STX12: variants seen among roughly 807,000 people sequenced by gnomAD.
STX12 encodes syntaxin 12.
Under a neutral mutation model 42.2 loss-of-function variants are expected in STX12, and 17 were observed. The ratio of observed to expected loss-of-function variants is 0.40; its 90% CI spans 0.28 to 0.60. STX12 has a LOEUF of 0.60. STX12 is among the 20% of genes least tolerant of loss of function. The pLI is 0.39. For missense variants in STX12, 297 were observed against 330.9 expected (o/e 0.90, Z 0.79); for synonymous variants, 108 against 116.7 (o/e 0.93, Z 0.48).
intron 3 of STX12, among the ~76,000 whole-genome samples, chr1:27,798,152 A>T (rs904410466): frequency 1.3e-5 from 2 of 152,210 alleles, no homozygotes; most frequent in African/African-American, 4.8e-5. Context: ...ATTGGGGCTT[A>T]CTTTATAATA....
chr1:27,816,301 G>A (rs1040652571), intron 6 of STX12, among the ~76,000 whole-genome samples: 5 of 151,392 alleles, frequency 3.3e-5, no homozygotes, highest in African/African-American at 9.7e-5. Context: ...CAACAAGAGT[G>A]AAACTCTACC....
At chr1:27,799,460 C>A (rs574074448) in intron 3 of STX12, among the ~76,000 whole-genome samples, 103 of 147,906 alleles carry the variant, frequency 7.0e-4, no homozygotes, top group African/African-American at 2.7e-3. Context: ...GAGGTTGAAC[C>A]CCAAACTCAT....
At chr1:27,812,641 A>C (rs988905266) in intron 6 of STX12, among the ~76,000 whole-genome samples, 4 of 151,908 alleles carry the variant, frequency 2.6e-5, no homozygotes, top group Non-Finnish European at 5.9e-5. Flanking sequence ...GGGTTTCTCC[A>C]TGTTGGTCAG....
At chr1:27,777,662 G>A (rs1049401258) in intron 1 of STX12, among the ~76,000 whole-genome samples, 1 of 152,042 alleles carries the variant, frequency 6.6e-6, no homozygotes, top group Non-Finnish European at 1.5e-5. Flanking sequence ...TGAGGCAGGC[G>A]GATCACAAGG....
chr1:27,774,347 T>C (rs1399717435), intron 1 of STX12, among the ~76,000 whole-genome samples: 1 of 152,250 alleles, frequency 6.6e-6, no homozygotes, highest in Non-Finnish European at 1.5e-5. Flanking sequence ...TGGAGCCTTA[T>C]AAACAGGAGA....
intron 1 of STX12, among the ~76,000 whole-genome samples, chr1:27,788,312 T>C (rs191739616): frequency 6.6e-6 from 1 of 151,990 alleles, no homozygotes; most frequent in East Asian, 1.9e-4. Flanking sequence ...AAAAAGAAAA[T>C]AGAAAGCAAG....
chr1:27,799,476 T>G, intron 3 of STX12, among the ~76,000 whole-genome samples: 1 of 144,150 alleles, frequency 6.9e-6, no homozygotes, highest in African/African-American at 2.9e-5. Context: ...CTCATTAGCT[T>G]GTTTTTTTTT....
intron 1 of STX12, among the ~76,000 whole-genome samples, chr1:27,778,128 A>G (rs1348559306): frequency 3.9e-5 from 6 of 152,156 alleles, no homozygotes; most frequent in Non-Finnish European, 5.9e-5. Context: ...GTCTGAGAGC[A>G]TAGTTATTCT....
In STX12 at chr1:27,819,128, G is replaced by A. The variant is rs569942583; in HGVS notation, c.650-522G>A. 4.7e-4 allele frequency among the ~76,000 whole-genome samples: 72 copies of A among 151,926 alleles called. No homozygotes were observed. In the Middle Eastern group the frequency reaches 0.01, roughly 22 times the overall value. ...CTGTCTTTACCAAAAAATTAGCCAGGCATAGTAACATGCACCTGTAGTCCT... is the reference window on the plus strand; with the variant it reads ...CTGTCTTTACCAAAAAATTAGCCAGACATAGTAACATGCACCTGTAGTCCT... On this transcript the variant is annotated intron_variant, in intron 7 of 8. Coordinates refer to ENST00000373943, the MANE Select transcript of STX12 (RefSeq NM_177424.3).
In STX12 at chr1:27,810,050, C is replaced by A. The variant is rs186476907; in HGVS notation, c.427-196C>A. The A allele has an allele frequency of 1.1e-3, 577 of 517,350 alleles. 5 individuals carry two copies. Among genetic ancestry groups the A allele is most frequent in the African/African-American group, 9.9e-3 (519 of 52,258 alleles). 32.0% of individuals were successfully genotyped at this position (517,350 alleles called of 1,614,324 possible). ...GTATGGTTTCTGTTCAGGACTCAAA[C>A]TGGAATGCAGATTTTCTTCAACCAC... On this transcript the variant is annotated intron_variant, in intron 4 of 8. Transcript: ENST00000373943.
At chr1:27,805,871 C>T (rs1200516168) in intron 4 of STX12, among the ~76,000 whole-genome samples, 4 of 152,134 alleles carry the variant, frequency 2.6e-5, no homozygotes, top group Admixed American at 1.3e-4. Flanking sequence ...GATACTACAT[C>T]AAAACTTGAC....
At chr1:27,798,460 C>T (rs1400424012) in intron 3 of STX12, among the ~76,000 whole-genome samples, 1 of 151,884 alleles carries the variant, frequency 6.6e-6, no homozygotes, top group African/African-American at 2.4e-5. Context: ...GCCTGACCAA[C>T]ATGGCAAAAC....
At chr1:27,793,951 T>C (rs945423614) in intron 3 of STX12, among the ~76,000 whole-genome samples, 1 of 151,974 alleles carries the variant, frequency 6.6e-6, no homozygotes, top group African/African-American at 2.4e-5. Context: ...TCTTTGGGGT[T>C]TGGCTAGCAG....
intron 5 of STX12, among the ~76,000 whole-genome samples, chr1:27,810,905 TA>T (rs2088898575): frequency 6.6e-6 from 1 of 152,174 alleles, no homozygotes; most frequent in African/African-American, 2.4e-5. Context: ...GGACGTTATT[TA>T]AACATTGTAG....
intron 3 of STX12, among the ~76,000 whole-genome samples, chr1:27,797,038 A>G (rs1403794606): frequency 1.3e-5 from 2 of 149,882 alleles, no homozygotes; most frequent in East Asian, 3.9e-4. Flanking sequence ...TTTTTTTGAG[A>G]CACAGTTTCA....
chr1:27,815,120 A>T (rs1172650101), intron 6 of STX12, among the ~76,000 whole-genome samples: 1 of 152,166 alleles, frequency 6.6e-6, no homozygotes, highest in African/African-American at 2.4e-5. Flanking sequence ...TTTAGAATAT[A>T]GGAGAGAATG....
chr1:27,812,397 TC>T (rs2088909078), intron 6 of STX12, 129 bp downstream of exon 6: 5 of 725,538 alleles, frequency 6.9e-6, no homozygotes, highest in Non-Finnish European at 1.1e-5. Context: ...TTGTATTTTT[TC>T]TGTCTCAGTG....
At chr1:27,810,427 T>A in intron 5 of STX12, 138 bp downstream of exon 5, 1 of 754,256 alleles carries the variant, frequency 1.3e-6, no homozygotes, top group Non-Finnish European at 2.1e-6. Flanking sequence ...ATCCACAGAA[T>A]AAAATTAAAA....
intron 1 of STX12, among the ~76,000 whole-genome samples, chr1:27,786,899 G>A (rs147979425): frequency 6.6e-6 from 1 of 152,220 alleles, no homozygotes; most frequent in East Asian, 1.9e-4. Context: ...ATTTGACTTA[G>A]ATAAGAAGGA....
Sources: allele counts gnomAD v4.1 joint callset (sites outside exome capture counted in the v4.1 genomes callset), GRCh38; gene constraint gnomAD v4.1.1; transcripts MANE v1.5; gene names NCBI Gene and HGNC (gene_info 2026-07-23, HGNC 2026-07-21).